The following DPP6 variants were observed in gnomAD, a reference collection of about 807,000 sequenced individuals.
The protein encoded by DPP6 is A-type potassium channel modulatory protein DPP6.
DPP6 carries 69 observed loss-of-function variants against 122.6 expected under a neutral mutation model. That is an observed-to-expected ratio of 0.56 (90% CI 0.46 to 0.69). DPP6 has a LOEUF of 0.69. DPP6 is among the 30% of genes least tolerant of loss of function. The pLI, the probability that DPP6 is intolerant of heterozygous loss-of-function variation, is 0.00. For synonymous variants in DPP6, 418 were observed against 433.1 expected (o/e 0.97, Z 0.43); for missense variants, 928 against 1,116.9 (o/e 0.83, Z 2.41).
chr7:153,924,016 A>G (rs1452261019), intron 1 of DPP6, among the ~76,000 whole-genome samples: 2 of 152,188 alleles, frequency 1.3e-5, no homozygotes, highest in South Asian at 2.1e-4. Context: ...ATACGTGTCT[A>G]CAGTCATTTT....
At chr7:154,382,927 A>T (rs1406933721) in intron 1 of DPP6, among the ~76,000 whole-genome samples, 1 of 152,146 alleles carries the variant, frequency 6.6e-6, no homozygotes, top group Non-Finnish European at 1.5e-5. Flanking sequence ...GGGTTTCACC[A>T]TGTTAACCAG....
rs1424779444 is a variant in DPP6 at position 154,606,185 on chromosome 7, A to G, written c.628-31636A>G. On this transcript the variant is annotated intron_variant, in intron 5 of 25. Coordinates refer to ENST00000377770, the MANE Select transcript of DPP6 (RefSeq NM_130797.4). ...TAGTTATATTGTTGCAATATTCTCT[A>G]TCCTTACTAGATGTTAGTCTCTATG... 7.5e-5 allele frequency among the ~76,000 whole-genome samples: 9 copies of G among 120,204 alleles called. 3 individuals carry two copies. The highest frequency in any genetic ancestry group is 1.3e-4 in the Non-Finnish European group (7 of 53,356). The allele number at this position is 120,204 out of a possible 152,430, so 78.9% of individuals were successfully genotyped here. A position where few individuals can be genotyped will look rare whatever the true frequency, so the allele number is the denominator to read the frequency against.
chr7:154,636,519 G>A (rs552937769), intron 5 of DPP6, among the ~76,000 whole-genome samples: 1 of 152,326 alleles, frequency 6.6e-6, no homozygotes, highest in South Asian at 2.1e-4. Flanking sequence ...GTTAGTGGCT[G>A]TTTCTTTATG....
rs1463244524 is a variant in DPP6 at position 154,012,830 on chromosome 7, T to G, written c.51+125096T>G. ...ATAACTTTTAATTGAATGTAGAACATTATGGATCTTATATTTTTGAGAATC... is the reference window on the plus strand; with the variant it reads ...ATAACTTTTAATTGAATGTAGAACAGTATGGATCTTATATTTTTGAGAATC... On this transcript the variant is annotated intron_variant, in intron 1 of 25. Transcript: ENST00000404039. Among the ~76,000 whole-genome samples the G allele has an allele frequency of 5.9e-5, 9 of 152,330 alleles. No individual in the cohort carries two copies. The South Asian group carries it at 6.2e-4, about 11-fold the overall frequency.
intron 8 of DPP6, among the ~76,000 whole-genome samples, chr7:154,759,954 T>G (rs1285340348): frequency 6.6e-6 from 1 of 152,178 alleles, no homozygotes; most frequent in Non-Finnish European, 1.5e-5. Context: ...AAACCCCATC[T>G]CTACTAAAAA....
chr7:154,813,275 G>C (rs1361810306), intron 16 of DPP6, among the ~76,000 whole-genome samples: 1 of 151,742 alleles, frequency 6.6e-6, no homozygotes, highest in East Asian at 1.9e-4. Context: ...ATTAGAGACG[G>C]GTTTTCACTG....
intron 1 of DPP6, among the ~76,000 whole-genome samples, chr7:153,918,593 T>A (rs1363207854): frequency 0.032 from 2,065 of 65,072 alleles, 11 homozygotes; most frequent in Non-Finnish European, 0.05. Context: ...TCTCTCTCTC[T>A]CTCTCTCTCT....
chr7:154,271,195 C>T (rs1803764675), intron 1 of DPP6, among the ~76,000 whole-genome samples: 1 of 152,068 alleles, frequency 6.6e-6, no homozygotes, highest in Admixed American at 6.5e-5. Context: ...GACTATTGTC[C>T]ATTTATTTTG....
chr7:153,799,358 A>T, the DPP6 span, among the ~76,000 whole-genome samples: 7 of 152,188 alleles, frequency 4.6e-5, no homozygotes, highest in Non-Finnish European at 1.0e-4. Flanking sequence ...ACTTCTAAGG[A>T]ATTTGTACGA....
intron 1 of DPP6, among the ~76,000 whole-genome samples, chr7:154,235,277 T>A (rs572681677): frequency 1.4e-3 from 208 of 152,326 alleles, no homozygotes; most frequent in Middle Eastern, 6.8e-3. Flanking sequence ...ATATCGTGTG[T>A]GTTTTCTTCA....
intron 1 of DPP6, among the ~76,000 whole-genome samples, chr7:154,134,749 A>C (rs1489450199): frequency 6.6e-6 from 1 of 152,008 alleles, no homozygotes; most frequent in East Asian, 1.9e-4. Flanking sequence ...ACTTCTTGTG[A>C]GTGAACACCT....
At chr7:153,929,614 A>G (rs1801080894) in intron 1 of DPP6, among the ~76,000 whole-genome samples, 1 of 152,050 alleles carries the variant, frequency 6.6e-6, no homozygotes, top group Admixed American at 6.6e-5. Flanking sequence ...TTGTCAAGCT[A>G]TTGATAGCAT....
intron 23 of DPP6, 138 bp downstream of exon 23, chr7:154,887,872 GA>G: frequency 1.0e-6 from 1 of 995,238 alleles, no homozygotes; most frequent in South Asian, 1.3e-5. Flanking sequence ...AGCCCACTCA[GA>G]AACCTCCGAA....
intron 10 of DPP6, among the ~76,000 whole-genome samples, chr7:154,793,298 A>G (rs1319042613): frequency 6.6e-6 from 1 of 152,148 alleles, no homozygotes; most frequent in Non-Finnish European, 1.5e-5. Flanking sequence ...TTGGGGCATT[A>G]ATTTTCTCAA....
chr7:154,605,022 CT>C (rs5888579), intron 5 of DPP6, among the ~76,000 whole-genome samples: 26,949 of 109,084 alleles, frequency 0.25, 8,283 homozygotes, highest in East Asian at 0.65. Context: ...TTTGGTATCT[CT>C]TTTTTTTTTT....
At chr7:154,272,016 A>G (rs1165150202) in intron 1 of DPP6, among the ~76,000 whole-genome samples, 3 of 152,212 alleles carry the variant, frequency 2.0e-5, no homozygotes, top group Non-Finnish European at 4.4e-5. Context: ...TTTCAAGGAA[A>G]AAGTTCTCAA....
At chr7:154,817,296 T>C (rs1463116104) in intron 16 of DPP6, among the ~76,000 whole-genome samples, 1 of 152,092 alleles carries the variant, frequency 6.6e-6, no homozygotes, top group African/African-American at 2.4e-5. Context: ...CAAGTGCAGG[T>C]TCAGCAGGAA....
chr7:153,852,881 G>C, the DPP6 span, among the ~76,000 whole-genome samples: 2 of 152,140 alleles, frequency 1.3e-5, no homozygotes, highest in Non-Finnish European at 2.9e-5. Flanking sequence ...CTCGACTGTG[G>C]TTGATAAATA....
chr7:154,706,293 C>A (rs1840825889), intron 7 of DPP6, among the ~76,000 whole-genome samples: 1 of 152,228 alleles, frequency 6.6e-6, no homozygotes. Flanking sequence ...GTGGCTCCCT[C>A]TCCTGCGATG....
Sources: gnomAD v4.1 joint callset for allele counts (sites outside exome capture counted in the v4.1 genomes callset) on GRCh38, gnomAD v4.1.1 for gene constraint, MANE v1.5 for transcripts, NCBI Gene and HGNC (gene_info 2026-07-23, HGNC 2026-07-21) for gene names.